The following KIFC1 variants were observed in gnomAD, a reference collection of about 807,000 sequenced individuals.
KIFC1 encodes the protein kinesin family member C1, also known as kinesin-like protein KIFC1.
Under a neutral mutation model 66.6 loss-of-function variants are expected in KIFC1, and 37 were observed. That is an observed-to-expected ratio of 0.56 (90% CI 0.43 to 0.73). KIFC1 has a LOEUF of 0.73. Among genes scored for constraint, KIFC1 ranks in the 30% least tolerant of loss-of-function variants. The pLI is 0.00. For missense variants in KIFC1, 721 were observed against 859.8 expected (o/e 0.84, Z 2.02); for synonymous variants, 325 against 343.5 (o/e 0.95, Z 0.60).
In KIFC1 at chr6:33,401,124, A is replaced by G. The variant is rs192616948; in HGVS notation, c.251-2190A>G. On this transcript the variant is annotated intron_variant, in intron 3 of 10. Transcript: ENST00000428849. The surrounding 1 kb of genome is among the most constrained non-coding windows in gnomAD (Gnocchi z 4.5). ...AATCTCTGTCTCCTGGCTTGAAAAT[A>G]AAATTTTTGTTTTTTGTTTTTTGTT... Among the ~76,000 whole-genome samples, 22 of 152,060 alleles carry G rather than the reference A, an allele frequency of 1.4e-4. No homozygotes were observed. The highest frequency in any genetic ancestry group is 3.4e-3 in the Middle Eastern group (1 of 294).
chr6:33,400,158 C>T lies in KIFC1; in HGVS notation c.250+1771C>T, dbSNP rs188280027. ...TACAGCCCATAGACTGGGCAGTCCC[C>T]GGAATCTCTTTAATGGTTCCAGAGA... On this transcript the variant is annotated intron_variant, in intron 3 of 10. Transcript: ENST00000428849. This position sits in a 1 kb window ranked among gnomAD's most constrained non-coding sequence, Gnocchi z 4.3. 2.8e-4 allele frequency: 379 copies of T among 1,338,558 alleles called. No individual in the cohort carries two copies. The highest frequency in any genetic ancestry group is 2.5e-3 in the African/African-American group (172 of 69,672). 82.9% of individuals were successfully genotyped at this position (1,338,558 alleles called of 1,614,324 possible).
rs1775307209 is a variant in KIFC1, at chr6:33,400,340, C to T, written c.250+1953C>T. 1.3e-6 allele frequency: 2 copies of T among 1,589,138 alleles called. No individual in the cohort carries two copies. Among genetic ancestry groups the T allele is most frequent in the South Asian group, 2.2e-5 (2 of 90,782 alleles). On this transcript the variant is annotated intron_variant, in intron 3 of 10. Coordinates refer to ENST00000428849, the MANE Select transcript of KIFC1 (RefSeq NM_002263.4). This position sits in a 1 kb window ranked among gnomAD's most constrained non-coding sequence, Gnocchi z 4.3. ...ATCGGGGCAGAGGCAGAAGGCACCA[C>T]CTCAATCTGGGCCTGTCTGTTCTCA...
Position 33,405,579 on chromosome 6 carries a change from A to G in KIFC1, c.1484A>G (p.Glu495Gly). 6.4e-7 allele frequency: 1 copy of G among 1,564,704 alleles called. No individual in the cohort carries two copies. Among genetic ancestry groups the G allele is most frequent in the Non-Finnish European group, 8.6e-7 (1 of 1,158,316 alleles). The change falls in exon 7 of 11, where the codon GAG becomes GGG. Residue 495 changes from glutamate to glycine, a missense_variant. Physicochemically the swap from Glu to Gly is moderately conservative, Grantham distance 98 (BLOSUM62 -2). Transcript: ENST00000428849. The surrounding 1 kb of genome is among the most constrained non-coding windows in gnomAD (Gnocchi z 5.4). ...CEIRRAGPGS[E>G]ELTVTNARYV... is the part of the protein sequence containing the mutation. ...ATTCGCCGTGCAGGGCCAGGGAGTG[A>G]GGAGCTCACTGTCACCAATGCTCGA... is the stretch of plus-strand genomic sequence containing the variant.
chr6:33,404,279 TGA>T lies in KIFC1; in HGVS notation c.756+151_756+152del, dbSNP rs1491492210. 26 of 715,932 alleles carry T rather than the reference TGA, an allele frequency of 3.6e-5. No individual in the cohort carries two copies. The highest frequency in any genetic ancestry group is 5.4e-5 in the Non-Finnish European group (24 of 441,340). The allele number at this position is 715,932 out of a possible 1,614,324, so 44.3% of individuals were successfully genotyped here. On this transcript the variant is annotated intron_variant, in intron 6 of 10. Coordinates refer to ENST00000428849, the MANE Select transcript of KIFC1 (RefSeq NM_002263.4). This position sits in a 1 kb window ranked among gnomAD's most constrained non-coding sequence, Gnocchi z 4.0. ...GGTGCTGCTGAAGATACCTCTCTCT[TGA>T]CCTGTCTGCACCCCAGCCCACTCCT...
Position 33,404,939 on chromosome 6 carries a change from T to C in KIFC1, c.844T>C (p.Leu282=), listed in dbSNP as rs1193149276. Residue 282 remains leucine, a synonymous_variant, in exon 7 of 11, where the codon TTA becomes CTA. Coordinates refer to ENST00000428849, the MANE Select transcript of KIFC1 (RefSeq NM_002263.4). This position sits in a 1 kb window ranked among gnomAD's most constrained non-coding sequence, Gnocchi z 4.0. Reference sequence around the variant, plus strand: ...GCAGGAGACTGTGGCCCAGGCAGCCTTACTGACTGAGCGGGAAGAACGTCT... The same window carrying C: ...GCAGGAGACTGTGGCCCAGGCAGCCCTACTGACTGAGCGGGAAGAACGTCT... ...LRQETVAQAA[L]LTEREERLHG... is the part of the protein sequence containing the mutation. The C allele has an allele frequency of 6.2e-7, 1 of 1,613,944 alleles. No homozygotes were observed.
chr6:33,399,969 C>A, intron 3 of KIFC1: 4 of 573,144 alleles, frequency 7.0e-6, no homozygotes, highest in Admixed American at 6.4e-5. Context: ...TCCCACTTGC[C>A]AAGGCTGATG....
Position 33,406,538 on chromosome 6 carries a change from G to C in KIFC1, c.1827+52G>C, listed in dbSNP as rs1775666812. 3 of 1,612,376 alleles carry C rather than the reference G, an allele frequency of 1.9e-6. No homozygotes were observed. Among genetic ancestry groups the C allele is most frequent in the Non-Finnish European group, 8.5e-7 (1 of 1,178,856 alleles). ...GGGACCTGGGGGACAGTTGGGGTTG[G>C]CTGTGCAGAACCCTGCCTATTCCTA... On this transcript the variant is annotated intron_variant, in intron 8 of 10. Coordinates refer to ENST00000428849, the MANE Select transcript of KIFC1 (RefSeq NM_002263.4). The surrounding 1 kb of genome is among the most constrained non-coding windows in gnomAD (Gnocchi z 4.5).
intron 1 of KIFC1, 82 bp from the exon 2 acceptor site, chr6:33,397,947 A>G (rs114542428): frequency 0.06 from 90,120 of 1,492,728 alleles, 3,082 homozygotes; most frequent in Non-Finnish European, 0.069. Context: ...GGTGTTGACA[A>G]TTGAGGCTGG....
upstream of KIFC1, chr6:33,391,763 T>C: frequency 3.1e-6 from 2 of 638,224 alleles, no homozygotes; most frequent in Non-Finnish European, 5.6e-6. Flanking sequence ...CCCTCGGCTG[T>C]GGCGACAGCG....
chr6:33,398,431 G>T (rs768087406), intron 3 of KIFC1, 44 bp downstream of exon 3: 1 of 1,327,198 alleles, frequency 7.5e-7, no homozygotes, highest in Admixed American at 1.7e-5. Context: ...TGGAAGTCCA[G>T]TGCTCTTCAA....
chr6:33,400,153 G>T lies in KIFC1; in HGVS notation c.250+1766G>T. ...AACATTACAGCCCATAGACTGGGCA[G>T]TCCCCGGAATCTCTTTAATGGTTCC... On this transcript the variant is annotated intron_variant, in intron 3 of 10. Transcript: ENST00000428849. The surrounding 1 kb of genome is among the most constrained non-coding windows in gnomAD (Gnocchi z 4.3). 1 of 1,240,958 alleles carries T rather than the reference G, an allele frequency of 8.1e-7. No individual in the cohort carries two copies. The highest frequency in any genetic ancestry group is 1.2e-6 in the Non-Finnish European group (1 of 855,162). The allele number at this position is 1,240,958 out of a possible 1,614,324, so 76.9% of individuals were successfully genotyped here. A position where few individuals can be genotyped will look rare whatever the true frequency, so the allele number is the denominator to read the frequency against.
intron 10 of KIFC1, chr6:33,407,161 C>A: frequency 9.8e-7 from 1 of 1,016,614 alleles, no homozygotes; most frequent in Non-Finnish European, 1.3e-6. Flanking sequence ...ATAATCCGAA[C>A]ACTTCGGGAG....
chr6:33,409,730 TGTGTGTGTGTGTGTG>T lies in KIFC1; in HGVS notation c.*41_*55del. The T allele has an allele frequency of 5.2e-5, 76 of 1,472,688 alleles. No homozygotes were observed. The highest frequency in any genetic ancestry group is 6.6e-5 in the Non-Finnish European group (70 of 1,066,168). 91.2% of individuals were successfully genotyped at this position (1,472,688 alleles called of 1,614,324 possible). A position where few individuals can be genotyped will look rare whatever the true frequency, so the allele number is the denominator to read the frequency against. On this transcript the variant is annotated 3_prime_UTR_variant, in exon 11 of 11. Transcript: ENST00000428849. ...CTGTGTGTGTGTGTGTGTGTGTGTG[TGTGTGTGTGTGTGTG>T]TGTGTGTGTCCCTATGTCTATGTAT... is the stretch of plus-strand genomic sequence containing the variant.
At chr6:33,398,190 G>T (rs750429996) in intron 2 of KIFC1, 24 bp downstream of exon 2, 7 of 1,614,144 alleles carry the variant, frequency 4.3e-6, no homozygotes, top group South Asian at 1.1e-5. Context: ...GGAGAGCTGT[G>T]CATGTGTGTG....
At chr6:33,396,440 T>C (rs1424603490) in intron 1 of KIFC1, among the ~76,000 whole-genome samples, 6 of 118,902 alleles carry the variant, frequency 5.0e-5, no homozygotes, top group East Asian at 2.1e-4. Flanking sequence ...TCTTTTCTTT[T>C]TTTTTTTTTT....
Position 33,406,648 on chromosome 6 carries a change from G to A in KIFC1, c.1884G>A (p.Leu628=). ...SKLTYLLQNS[L]GGSAKMLMFV... is the part of the protein sequence containing the mutation. ...TGACCTACCTGCTGCAGAACTCTCT[G>A]GGTGGTAGTGCTAAGATGTGAGTGA... Residue 628 remains leucine (L), a synonymous_variant, in exon 9 of 11, where the codon CTG becomes CTA. Transcript: ENST00000428849. This position sits in a 1 kb window ranked among gnomAD's most constrained non-coding sequence, Gnocchi z 4.5. 6.2e-7 allele frequency: 1 copy of A among 1,614,154 alleles called. No homozygotes were observed. The highest frequency in any genetic ancestry group is 8.5e-7 in the Non-Finnish European group (1 of 1,180,026).
At chr6:33,396,294 A>G (rs961977140) in intron 1 of KIFC1, among the ~76,000 whole-genome samples, 5 of 152,190 alleles carry the variant, frequency 3.3e-5, no homozygotes, top group Non-Finnish European at 5.9e-5. Context: ...TTAAGAGGCT[A>G]AGGCAGGAGG....
chr6:33,393,799 T>C (rs1335485657), intron 1 of KIFC1, among the ~76,000 whole-genome samples: 1 of 142,808 alleles, frequency 7.0e-6, no homozygotes, highest in Non-Finnish European at 1.5e-5. Context: ...CAGCCTGGAG[T>C]GCAGTGGCGC....
intron 1 of KIFC1, among the ~76,000 whole-genome samples, chr6:33,393,213 T>C (rs1774872271): frequency 6.6e-6 from 1 of 151,028 alleles, no homozygotes; most frequent in Admixed American, 6.6e-5. Context: ...CCCTAAAGAG[T>C]TGTAAGGAGG....
Sources: gnomAD v4.1 joint callset for allele counts (sites outside exome capture counted in the v4.1 genomes callset) on GRCh38, gnomAD v4.1.1 for gene constraint, Gnocchi (gnomAD v3.1) non-coding constraint, MANE v1.5 for transcripts, NCBI Gene and HGNC (gene_info 2026-07-23, HGNC 2026-07-21) for gene names.